The following SNED1 variants were observed in gnomAD, a reference collection of about 807,000 sequenced individuals.
SNED1 encodes the protein sushi, nidogen and EGF-like domain-containing protein 1.
SNED1 carries 81 observed loss-of-function variants against 166.7 expected under a neutral mutation model. That is an observed-to-expected ratio of 0.49 (90% CI 0.41 to 0.58). The LOEUF (loss-of-function observed/expected upper bound fraction) is 0.58, where lower values mean the gene tolerates loss of function less well. Among genes scored for constraint, SNED1 ranks in the 20% least tolerant of loss-of-function variants. SNED1 has a pLI of 0.00. For synonymous variants in SNED1, 762 were observed against 822.0 expected (o/e 0.93, Z 1.25); for missense variants, 1,604 against 2,000.2 (o/e 0.80, Z 3.78).
chr2:241,037,082 GC>G, intron 5 of SNED1, 157 bp from the exon 6 acceptor site: 3 of 1,012,130 alleles, frequency 3.0e-6, no homozygotes, highest in Non-Finnish European at 4.4e-6. Flanking sequence ...AAAGGCCATG[GC>G]CCCCTGGAGT....
chr2:240,997,973 C>A (rs79909417), upstream of SNED1, among the ~76,000 whole-genome samples: 4,789 of 152,352 alleles, frequency 0.031, 474 homozygotes, highest in East Asian at 0.29. Flanking sequence ...CTGCCCCCAC[C>A]TGCCAAGGCC....
At chr2:241,022,345 GT>G (rs1310851860) in intron 1 of SNED1, among the ~76,000 whole-genome samples, 2 of 152,160 alleles carry the variant, frequency 1.3e-5, no homozygotes, top group Admixed American at 1.3e-4. Flanking sequence ...TATTCTAAGA[GT>G]TTTATAATTT....
At chr2:241,038,568 C>T (rs1192671928) in intron 6 of SNED1, among the ~76,000 whole-genome samples, 2 of 152,242 alleles carry the variant, frequency 1.3e-5, no homozygotes, top group Non-Finnish European at 2.9e-5. Flanking sequence ...TCCCTTGCTC[C>T]CCGAGCCCTG....
In SNED1 at chr2:241,049,238, C is replaced by T. The variant is rs1034906070; in HGVS notation, c.1618+103C>T. The T allele has an allele frequency of 1.8e-5, 15 of 850,726 alleles. No homozygotes were observed. In the South Asian group the frequency reaches 2.3e-4, roughly 13 times the overall value. 52.7% of individuals were successfully genotyped at this position (850,726 alleles called of 1,614,324 possible). ...AGAGGCCAGAGTCCCTACTTCCCTT[C>T]TGACTCTCGGGAGAGCTGGCACCTG... On this transcript the variant is annotated intron_variant, in intron 11 of 31. Coordinates refer to ENST00000310397, the MANE Select transcript of SNED1 (RefSeq NM_001080437.3).
intron 1 of SNED1, among the ~76,000 whole-genome samples, chr2:241,006,965 G>A (rs1233641374): frequency 6.6e-6 from 1 of 152,252 alleles, no homozygotes; most frequent in Non-Finnish European, 1.5e-5. Flanking sequence ...CCCACTGGCA[G>A]TGTTTGGGAC....
Position 241,065,420 on chromosome 2 carries a change from C to G in SNED1, c.2835C>G (p.Tyr945Ter). 1 of 1,613,124 alleles carries G rather than the reference C, an allele frequency of 6.2e-7. No individual in the cohort carries two copies. The highest frequency in any genetic ancestry group is 8.5e-7 in the Non-Finnish European group (1 of 1,179,858). Reference protein sequence around the residue: ...RQMLDGYAVTYVSSDGSYRRT... With the variant: ...RQMLDGYAVT ...TGCTTGATGGCTACGCGGTCACCTA[C>G]GTCTCCTCCGACGGCTCCTACCGCC... The change falls in exon 21 of 32, where the codon TAC (tyrosine) becomes TAG (stop). Residue 945 changes from tyrosine to a stop codon, truncating the protein, a stop_gained. Coordinates refer to ENST00000310397, the MANE Select transcript of SNED1 (RefSeq NM_001080437.3). LOFTEE classifies it high-confidence loss of function.
At chr2:241,004,791 C>T (rs1015271243) in intron 1 of SNED1, among the ~76,000 whole-genome samples, 48 of 152,280 alleles carry the variant, frequency 3.2e-4, no homozygotes, top group African/African-American at 1.1e-3. Flanking sequence ...GGCGTGATCT[C>T]GGCTCACTGC....
chr2:241,023,887 C>CTT (rs2060846825), intron 1 of SNED1, among the ~76,000 whole-genome samples: 3 of 71,656 alleles, frequency 4.2e-5, no homozygotes, highest in African/African-American at 7.7e-5. Context: ...CTTTTTTTTT[C>CTT]CTTTTTTTTT....
intron 27 of SNED1, among the ~76,000 whole-genome samples, chr2:241,077,748 A>T (rs114221111): frequency 1.2e-4 from 18 of 152,322 alleles, no homozygotes; most frequent in African/African-American, 3.8e-4. Context: ...CACCGAAAAG[A>T]TCCTTGACAT....
At chr2:241,009,679 G>T in intron 1 of SNED1, among the ~76,000 whole-genome samples, 1 of 152,138 alleles carries the variant, frequency 6.6e-6, no homozygotes, top group Admixed American at 6.5e-5. Flanking sequence ...CCCCTCCCCT[G>T]TCCGGGGGCG....
chr2:241,089,144 AC>A, intron 31 of SNED1: 1 of 670,822 alleles, frequency 1.5e-6, no homozygotes, highest in Non-Finnish European at 2.5e-6. Context: ...ACTGGGATAT[AC>A]CATAGAAAGC....
rs1559267614 is a variant in SNED1, at chr2:241,052,123, T to C, written c.1935T>C (p.Cys645=). ...FHYIGKYKCD[C]PPGFSGRHCE... is the part of the protein sequence containing the mutation. ...ACATTGGCAAATACAAGTGTGACTG[T>C]CCCCCAGGCTTCTCCGGGCGGCACT... Residue 645 remains cysteine (C), a synonymous_variant, in exon 14 of 32, where the codon TGT becomes TGC. Transcript: ENST00000310397. The C allele has an allele frequency of 6.2e-7, 1 of 1,613,582 alleles. No homozygotes were observed.
chr2:241,085,860 C>CTTTTTTTTTTTTTT (rs772995766), intron 29 of SNED1, among the ~76,000 whole-genome samples: 5 of 79,162 alleles, frequency 6.3e-5, no homozygotes, highest in East Asian at 4.2e-4. Flanking sequence ...TCTGCGGTTT[C>CTTTTTTTTTTTTTT]TTTTTTTTTT....
chr2:241,056,986 A>C (rs1392959336), intron 16 of SNED1, among the ~76,000 whole-genome samples: 1 of 152,228 alleles, frequency 6.6e-6, no homozygotes, highest in East Asian at 1.9e-4. Context: ...CAGAATGGGC[A>C]AAAGAATATT....
chr2:241,065,941 G>A (rs1021492897), intron 21 of SNED1, among the ~76,000 whole-genome samples: 18 of 151,766 alleles, frequency 1.2e-4, no homozygotes, highest in African/African-American at 3.2e-4. Flanking sequence ...GACAGGGGCC[G>A]CGGGGGTGGG....
At chr2:241,089,123 G>C in intron 31 of SNED1, 1 of 552,170 alleles carries the variant, frequency 1.8e-6, no homozygotes, top group South Asian at 3.1e-5. Context: ...CTTCACAATC[G>C]TTTGCAAGAG....
chr2:241,063,220 G>C (rs559874394), intron 17 of SNED1, among the ~76,000 whole-genome samples: 1 of 152,324 alleles, frequency 6.6e-6, no homozygotes, highest in African/African-American at 2.4e-5. Context: ...GGGAGGGGAG[G>C]CCTGCCCCAT....
intron 9 of SNED1, 88 bp from the exon 10 acceptor site, chr2:241,048,574 A>G: frequency 6.7e-7 from 1 of 1,499,138 alleles, no homozygotes; most frequent in Non-Finnish European, 9.1e-7. Flanking sequence ...TTGTATGGGA[A>G]GTTGGCCAGG....
chr2:241,067,443 C>T (rs2062503848), intron 21 of SNED1, among the ~76,000 whole-genome samples: 2 of 152,220 alleles, frequency 1.3e-5, no homozygotes, highest in Non-Finnish European at 2.9e-5. Flanking sequence ...TACTCATGTC[C>T]AGAGGGACTC....
Sources: allele counts gnomAD v4.1 joint callset (sites outside exome capture counted in the v4.1 genomes callset), GRCh38; gene constraint gnomAD v4.1.1; transcripts MANE v1.5; gene names NCBI Gene and HGNC (gene_info 2026-07-23, HGNC 2026-07-21).